Variants in CCNT1 observed in about 807,000 individuals in gnomAD.
The protein encoded by CCNT1 is cyclin-T1.
CCNT1 carries 18 observed loss-of-function variants against 67.3 expected under a neutral mutation model. That is an observed-to-expected ratio of 0.27 (90% CI 0.18 to 0.40). The LOEUF is 0.40. Ranked by LOEUF, CCNT1 falls within the 10% of genes least tolerant of loss-of-function variation. The pLI is 1.00. For synonymous variants in CCNT1, 333 were observed against 310.3 expected (o/e 1.07, Z -0.77); for missense variants, 744 against 884.9 (o/e 0.84, Z 2.02).
At chr12:48,695,866 G>A in intron 7 of CCNT1, 37 bp from the exon 8 acceptor site, 1 of 1,542,856 alleles carries the variant, frequency 6.5e-7, no homozygotes. Context: ...AAGACTGAGA[G>A]AAACAGAAGT....
At chr12:48,709,860 C>A (rs1237589409) in intron 2 of CCNT1, among the ~76,000 whole-genome samples, 1 of 151,664 alleles carries the variant, frequency 6.6e-6, no homozygotes, top group Non-Finnish European at 1.5e-5. Context: ...TAATTTTTAC[C>A]ATGGGAATTT....
Position 48,693,798 on chromosome 12 carries a change from A to G in CCNT1, c.1416T>C (p.Ala472=). The G allele has an allele frequency of 1.2e-6, 2 of 1,614,028 alleles. No individual in the cohort carries two copies. The highest frequency in any genetic ancestry group is 2.2e-5 in the South Asian group (2 of 91,070). Residue 472 remains alanine, a synonymous_variant, in exon 9 of 9, where the codon GCT becomes GCC. Transcript: ENST00000261900. ...TTATCTCCTCTGGTTTTGAAGACGC[A>G]GCTTTATCTCCACCTGCCACTGGGA... ...MRIPVAGGDK[A]ASSKPEEIKM... is the part of the protein sequence containing the mutation.
In CCNT1 at chr12:48,693,436, T is replaced by C. The variant is rs1238869240; in HGVS notation, c.1778A>G (p.Lys593Arg). The change falls in exon 9 of 9, where the codon AAG (lysine) becomes AGG (arginine). Residue 593 changes from lysine (K) to arginine (R), a missense_variant. Coordinates refer to ENST00000261900, the MANE Select transcript of CCNT1 (RefSeq NM_001240.4). The stretch of plus-strand genomic sequence containing the variant: ...ATTTAGGGAAGAGGATTTAGTACTC[T>C]TGGCAATCTTGGCTGGATGATCAAA... ...AVFDHPAKIA[K>R]STKSSSLNFS... 1.2e-6 allele frequency: 2 copies of C among 1,614,132 alleles called. No individual in the cohort carries two copies. The highest frequency in any genetic ancestry group is 1.1e-5 in the South Asian group (1 of 91,092).
intron 3 of CCNT1, among the ~76,000 whole-genome samples, chr12:48,704,652 T>C (rs1448344220): frequency 1.3e-5 from 2 of 152,224 alleles, no homozygotes; most frequent in Middle Eastern, 3.4e-3. Context: ...CTGCTAAAAA[T>C]ACAAAAATTA....
chr12:48,713,902 G>GT (rs1189937364), intron 2 of CCNT1, among the ~76,000 whole-genome samples: 1 of 151,686 alleles, frequency 6.6e-6, no homozygotes, highest in African/African-American at 2.4e-5. Flanking sequence ...TGTTTTTTGG[G>GT]GTTTTTTTTG....
rs189353797 is a variant in CCNT1 at position 48,710,311 on chromosome 12, C to T, written c.243+4132G>A. Among the ~76,000 whole-genome samples the T allele has an allele frequency of 1.1e-3, 166 of 152,258 alleles. 1 individual carries two copies. The highest frequency in any genetic ancestry group is 1.5e-3 in the Non-Finnish European group (100 of 68,028). On this transcript the variant is annotated intron_variant, in intron 2 of 8. Coordinates refer to ENST00000261900, the MANE Select transcript of CCNT1 (RefSeq NM_001240.4). ...TTAGGCCACATTTAATGTATTAAGT[C>T]CTCTCACATTTAAATTTGGATTCAT...
chr12:48,706,013 C>T (rs1940351790), intron 2 of CCNT1, 117 bp from the exon 3 acceptor site: 2 of 914,168 alleles, frequency 2.2e-6, no homozygotes, highest in Non-Finnish European at 3.2e-6. Flanking sequence ...AACTTTGTCA[C>T]CTCTTTACCC....
rs1196326092 is a variant in CCNT1 at position 48,694,348 on chromosome 12, T to C, written c.866A>G (p.Gln289Arg). 3 of 1,614,222 alleles carry C rather than the reference T, an allele frequency of 1.9e-6. No homozygotes were observed. Among genetic ancestry groups the C allele is most frequent in the Non-Finnish European group, 1.7e-6 (2 of 1,180,026 alleles). ...SEQTILNMIS[Q>R]SSSDTTIAGL... ...TGCAATGGTTGTGTCTGAAGAGCTC[T>C]GGGAAATCATATTGAGGATTGTCTG... The change falls in exon 9 of 9, where the codon CAG becomes CGG. Residue 289 changes from glutamine to arginine, a missense_variant. This residue lies in a region of CCNT1 where 564 missense variants were observed against 574.2 expected (regional missense o/e 0.98). Transcript: ENST00000261900.
At position 48,692,589 on chromosome 12, in the gene CCNT1, ACTTT is replaced by A. The variant is rs1592116416; in HGVS notation, c.*440_*443del. 2 of 156,798 alleles carry A rather than the reference ACTTT, an allele frequency of 1.3e-5. No homozygotes were observed. The highest frequency in any genetic ancestry group is 1.9e-4 in the South Asian group (1 of 5,380). The allele number at this position is 156,798 out of a possible 1,614,324, so 9.7% of individuals were successfully genotyped here. ...TATAAAAAAACTAAACAGATAACTT[ACTTT>A]CTTTAAATTATTAAGTCTATTAAAA... On this transcript the variant is annotated 3_prime_UTR_variant, in exon 9 of 9. Coordinates refer to ENST00000261900, the MANE Select transcript of CCNT1 (RefSeq NM_001240.4).
At position 48,693,765 on chromosome 12, in the gene CCNT1, G is replaced by A. The variant is rs1345612573; in HGVS notation, c.1449C>T (p.Arg483=). Residue 483 remains arginine (R), a synonymous_variant, in exon 9 of 9, where the codon CGC becomes CGT. Coordinates refer to ENST00000261900, the MANE Select transcript of CCNT1 (RefSeq NM_001240.4). ...TATCAGCTGCAGCATGGACTTTTAT[G>A]CGCATTTTTATCTCCTCTGGTTTTG... ...ASSKPEEIKM[R]IKVHAAADKH... The A allele has an allele frequency of 1.5e-5, 24 of 1,613,936 alleles. No individual in the cohort carries two copies. Among genetic ancestry groups the A allele is most frequent in the Non-Finnish European group, 1.9e-5 (23 of 1,180,026 alleles).
At chr12:48,696,334 T>G (rs1940168344) in intron 6 of CCNT1, among the ~76,000 whole-genome samples, 172 bp from the exon 7 acceptor site, 3 of 142,534 alleles carry the variant, frequency 2.1e-5, no homozygotes, top group African/African-American at 7.8e-5. Context: ...GCACTCAATA[T>G]AATTTCCTAT....
At chr12:48,706,642 G>C (rs1940364699) in intron 2 of CCNT1, among the ~76,000 whole-genome samples, 1 of 152,138 alleles carries the variant, frequency 6.6e-6, no homozygotes, top group Admixed American at 6.6e-5. Context: ...TCAGGAAATA[G>C]AACTTTTCTT....
intron 2 of CCNT1, 141 bp from the exon 3 acceptor site, chr12:48,706,037 C>T (rs963345337): frequency 5.2e-5 from 35 of 666,732 alleles, no homozygotes; most frequent in Non-Finnish European, 7.2e-5. Context: ...CCCGCCCCCC[C>T]GCTTCTACCA....
chr12:48,700,235 C>G (rs1022808145), intron 4 of CCNT1, among the ~76,000 whole-genome samples: 17 of 150,374 alleles, frequency 1.1e-4, no homozygotes, highest in African/African-American at 4.2e-4. Context: ...AGGAGAATGG[C>G]GTGCACCCAG....
Position 48,699,771 on chromosome 12 carries a change from T to G in CCNT1, c.496+7A>C. ...TGAGATAGTCTTCATAAGCTGGGAT[T>G]CCTTACCTCGAACAAGTTGAGTGCA... On this transcript the variant is annotated splice_region_variant and intron_variant, in intron 5 of 8. Coordinates refer to ENST00000261900, the MANE Select transcript of CCNT1 (RefSeq NM_001240.4). 1.3e-6 allele frequency: 2 copies of G among 1,595,962 alleles called. No individual in the cohort carries two copies.
At position 48,694,452 on chromosome 12, in the gene CCNT1, T is replaced by C. The variant is rs1484990813; in HGVS notation, c.778-16A>G. 7.5e-6 allele frequency: 12 copies of C among 1,600,628 alleles called. No homozygotes were observed. The highest frequency in any genetic ancestry group is 6.7e-5 in the East Asian group (3 of 44,718). The stretch of plus-strand genomic sequence containing the variant: ...CCTCGCATGCCTGCAATGAAGCAAA[T>C]AGCATCTCTTTACTTAGGTAATTTA... On this transcript the variant is annotated splice_polypyrimidine_tract_variant and intron_variant, in intron 8 of 8. Transcript: ENST00000261900.
intron 2 of CCNT1, among the ~76,000 whole-genome samples, chr12:48,713,901 G>C (rs940222590): frequency 2.6e-5 from 4 of 151,672 alleles, no homozygotes; most frequent in Non-Finnish European, 4.4e-5. Flanking sequence ...CTGTTTTTTG[G>C]GGTTTTTTTT....
At chr12:48,698,015 T>A in intron 6 of CCNT1, 123 bp downstream of exon 6, 1 of 559,744 alleles carries the variant, frequency 1.8e-6, no homozygotes, top group Non-Finnish European at 3.0e-6. Flanking sequence ...AAATTTAAAG[T>A]ACAACATGAA....
chr12:48,701,007 A>G lies in CCNT1; in HGVS notation c.433+6T>C. ...AAAAAAATGTTTCAAAGGAAAATAA[A>G]CTTACCTAAAGTCTGCAAAATTATG... is the stretch of plus-strand genomic sequence containing the variant. On this transcript the variant is annotated splice_donor_region_variant and intron_variant, in intron 4 of 8. Transcript: ENST00000261900. 1.3e-6 allele frequency: 2 copies of G among 1,506,248 alleles called. No individual in the cohort carries two copies. Among genetic ancestry groups the G allele is most frequent in the Admixed American group, 1.9e-5 (1 of 51,736 alleles). 93.3% of individuals were successfully genotyped at this position (1,506,248 alleles called of 1,614,324 possible).
Sources: allele counts gnomAD v4.1 joint callset (sites outside exome capture counted in the v4.1 genomes callset), GRCh38; gene constraint gnomAD v4.1.1; regional missense constraint gnomAD v4.1.1; transcripts MANE v1.5; gene names NCBI Gene and HGNC (gene_info 2026-07-23, HGNC 2026-07-21).